The following TMTC4 variants were observed in gnomAD, a reference collection of about 807,000 sequenced individuals.
TMTC4 encodes protein O-mannosyl-transferase TMTC4.
TMTC4 carries 65 observed loss-of-function variants against 86.0 expected under a neutral mutation model. The observed-to-expected ratio is 0.76, with a 90% confidence interval of 0.62 to 0.93. The LOEUF (loss-of-function observed/expected upper bound fraction) is 0.93. Ranked by LOEUF, TMTC4 falls within the 40% of genes least tolerant of loss-of-function variation. The pLI is 0.00. For missense variants in TMTC4, 866 were observed against 948.1 expected, an observed-to-expected ratio of 0.91 and a Z score of 1.14; for synonymous variants, 379 against 382.5, an observed-to-expected ratio of 0.99 and a Z score of 0.11.
At chr13:100,632,047 ACACACACTCTCTCTCTCTCT>A (rs1269026425) in intron 12 of TMTC4, among the ~76,000 whole-genome samples, 24 of 63,404 alleles carry the variant, frequency 3.8e-4, no homozygotes, top group Admixed American at 2.8e-3. Flanking sequence ...ACACACACAC[ACACACACTCTCTCTCTCTCT>A]CTCTCTCTCT....
At chr13:100,662,294 G>C (rs1885879073) in intron 5 of TMTC4, among the ~76,000 whole-genome samples, 1 of 148,128 alleles carries the variant, frequency 6.8e-6, no homozygotes, top group Non-Finnish European at 1.5e-5. Context: ...CCCCAGCAGA[G>C]TGCAGGCACC....
intron 6 of TMTC4, among the ~76,000 whole-genome samples, chr13:100,655,544 T>C (rs1357374760): frequency 6.6e-6 from 1 of 152,196 alleles, no homozygotes; most frequent in South Asian, 2.1e-4. Context: ...GGCCGGCCAA[T>C]TCAACCTCGC....
chr13:100,675,022 CA>C (rs984175699), upstream of TMTC4: 4 of 985,564 alleles, frequency 4.1e-6, no homozygotes, highest in Non-Finnish European at 4.8e-6. Flanking sequence ...GACGTCAGGC[CA>C]GGGGGCGCTA....
chr13:100,645,605 T>G (rs1883624262), intron 6 of TMTC4, among the ~76,000 whole-genome samples: 1 of 151,372 alleles, frequency 6.6e-6, no homozygotes, highest in Non-Finnish European at 1.5e-5. Context: ...TGTGAGCAGG[T>G]GAGCCCCGTG....
intron 3 of TMTC4, chr13:100,668,292 C>A: frequency 2.7e-6 from 1 of 374,916 alleles, no homozygotes; most frequent in South Asian, 3.7e-5. Flanking sequence ...CCTGCAATGC[C>A]CTTGCCTTGT....
At chr13:100,652,432 T>C (rs1377166080) in intron 6 of TMTC4, among the ~76,000 whole-genome samples, 9 of 152,172 alleles carry the variant, frequency 5.9e-5, no homozygotes, top group South Asian at 2.1e-4. Context: ...TGAGCTGAGA[T>C]TGTACCACTG....
rs757731850 is a variant in TMTC4, at chr13:100,634,797, C to CT, written c.1506+7dup. The CT allele has an allele frequency of 4.3e-6, 7 of 1,611,530 alleles. No homozygotes were observed. Among genetic ancestry groups the CT allele is most frequent in the Non-Finnish European group, 5.9e-6 (7 of 1,179,204 alleles). Reference sequence around the variant, plus strand: ...GGTCCCTTTAAAAGAAATCTGGCAGCTAGGTACCTTAGCATTGAGGGGACA... The same window carrying CT: ...GGTCCCTTTAAAAGAAATCTGGCAGCTTAGGTACCTTAGCATTGAGGGGACA... On this transcript the variant is annotated splice_region_variant and intron_variant, in intron 12 of 18. Transcript: ENST00000342624.
intron 17 of TMTC4, among the ~76,000 whole-genome samples, chr13:100,610,851 C>G (rs538809977): frequency 6.6e-6 from 1 of 152,298 alleles, no homozygotes; most frequent in South Asian, 2.1e-4. Context: ...TGGGACCTGT[C>G]CCAGGCTGAC....
In TMTC4 at chr13:100,612,654, TACACACACACACACAC is replaced by T. The variant is rs60782137; in HGVS notation, c.1952-160_1952-145del. 2,859 of 446,664 alleles carry T rather than the reference TACACACACACACACAC, an allele frequency of 6.4e-3. 3 individuals are homozygous for T. Among genetic ancestry groups the T allele is most frequent in the Middle Eastern group, 9.4e-3 (17 of 1,802 alleles). The allele number at this position is 446,664 out of a possible 1,614,324, so 27.7% of individuals were successfully genotyped here. ...AAGAAAATCTGTGTAGATCATGTAA[TACACACACACACACAC>T]ACACACACACACACACACACACACG... On this transcript the variant is annotated intron_variant, in intron 16 of 18. Transcript: ENST00000342624.
chr13:100,661,296 TGTGA>T (rs756823585), intron 5 of TMTC4, among the ~76,000 whole-genome samples: 114 of 152,186 alleles, frequency 7.5e-4, no homozygotes, highest in Middle Eastern at 3.4e-3. Context: ...AATGTGTGCG[TGTGA>T]GTGTGTACGT....
intron 6 of TMTC4, among the ~76,000 whole-genome samples, chr13:100,651,767 G>T (rs1378714576): frequency 6.6e-6 from 1 of 152,156 alleles, no homozygotes; most frequent in East Asian, 1.9e-4. Context: ...TATTAAACTT[G>T]TTCCTCTGAT....
At chr13:100,609,009 G>A (rs1877112237) in intron 17 of TMTC4, among the ~76,000 whole-genome samples, 1 of 152,170 alleles carries the variant, frequency 6.6e-6, no homozygotes, top group Admixed American at 6.5e-5. Context: ...AGAGTGCTCT[G>A]GGGCACAGGG....
rs1886681832 is a variant in TMTC4, at chr13:100,668,578, C to T, written c.219+1G>A. The T allele has an allele frequency of 1.2e-6, 2 of 1,613,822 alleles. No homozygotes were observed. Among genetic ancestry groups the T allele is most frequent in the Non-Finnish European group, 1.7e-6 (2 of 1,179,802 alleles). On this transcript the variant is annotated splice_donor_variant, in intron 3 of 18. Coordinates refer to ENST00000342624, the MANE Select transcript of TMTC4 (RefSeq NM_032813.5). LOFTEE classifies it high-confidence loss of function. ...TACCAGAAAAGAGTTGAGATACAAA[C>T]CTTATTGTTAACAATAGCTTCTGAG...
intron 6 of TMTC4, among the ~76,000 whole-genome samples, chr13:100,654,836 C>T (rs566098785): frequency 6.6e-6 from 1 of 152,108 alleles, no homozygotes; most frequent in South Asian, 2.1e-4. Flanking sequence ...AATGATGTCC[C>T]CCACATGTTA....
chr13:100,630,089 C>T (rs897564658), intron 12 of TMTC4, among the ~76,000 whole-genome samples: 2 of 150,474 alleles, frequency 1.3e-5, no homozygotes, highest in African/African-American at 4.9e-5. Flanking sequence ...GTGTTTATAG[C>T]AGCCTGAGAA....
intron 3 of TMTC4, among the ~76,000 whole-genome samples, chr13:100,665,666 C>T (rs540380677): frequency 3.2e-4 from 49 of 152,250 alleles, no homozygotes; most frequent in African/African-American, 1.1e-3. Flanking sequence ...TAAGAATGCC[C>T]CAAACAGAAA....
At chr13:100,629,352 T>C (rs140513328) in intron 12 of TMTC4, among the ~76,000 whole-genome samples, 1,800 of 152,084 alleles carry the variant, frequency 0.012, 76 homozygotes, top group Admixed American at 0.083. Context: ...TGGCACACCT[T>C]GAGTGGCACC....
chr13:100,612,803 TCCCA>T (rs1454728089), intron 16 of TMTC4, among the ~76,000 whole-genome samples: 2 of 152,150 alleles, frequency 1.3e-5, no homozygotes, highest in Non-Finnish European at 2.9e-5. Context: ...TTTAATTTTT[TCCCA>T]GATACCAGTT....
At chr13:100,654,176 A>T (rs1884794123) in intron 6 of TMTC4, among the ~76,000 whole-genome samples, 1 of 152,242 alleles carries the variant, frequency 6.6e-6, no homozygotes, top group Non-Finnish European at 1.5e-5. Context: ...AACCAAGTCA[A>T]AATCTAGTCA....
Sources: allele counts gnomAD v4.1 joint callset (sites outside exome capture counted in the v4.1 genomes callset), GRCh38; gene constraint gnomAD v4.1.1; transcripts MANE v1.5; gene names NCBI Gene and HGNC (gene_info 2026-07-23, HGNC 2026-07-21).